Variants in NUP155 observed in about 807,000 individuals in gnomAD.
NUP155 encodes nuclear pore complex protein Nup155.
NUP155 carries 71 observed loss-of-function variants against 180.4 expected under a neutral mutation model. The observed-to-expected ratio is 0.39, with a 90% confidence interval of 0.33 to 0.48. The LOEUF (loss-of-function observed/expected upper bound fraction) is 0.48. NUP155 is among the 20% of genes least tolerant of loss of function. The pLI is 0.91. For synonymous variants in NUP155, 582 were observed against 559.5 expected, an observed-to-expected ratio of 1.04 and a Z score of -0.57; for missense variants, 1,553 against 1,648.9, an observed-to-expected ratio of 0.94 and a Z score of 1.01.
At chr5:37,304,926 T>A in intron 26 of NUP155, 83 bp from the exon 27 acceptor site, 7 of 1,506,846 alleles carry the variant, frequency 4.6e-6, no homozygotes, top group Non-Finnish European at 6.5e-6. Flanking sequence ...TAAACTCCAG[T>A]AAGAAATCAA....
intron 12 of NUP155, among the ~76,000 whole-genome samples, chr5:37,336,812 C>T (rs1219379602): frequency 6.6e-6 from 1 of 152,156 alleles, no homozygotes; most frequent in Non-Finnish European, 1.5e-5. Context: ...ACAATACTCC[C>T]ATCCCTGGGA....
At chr5:37,356,663 T>A (rs768820002) in intron 4 of NUP155, among the ~76,000 whole-genome samples, 7 of 151,686 alleles carry the variant, frequency 4.6e-5, no homozygotes, top group Non-Finnish European at 8.8e-5. Context: ...AAGGTACATT[T>A]AAAGGATATA....
chr5:37,317,203 A>G (rs1430153800), intron 21 of NUP155, among the ~76,000 whole-genome samples: 1 of 150,522 alleles, frequency 6.6e-6, no homozygotes, highest in Non-Finnish European at 1.5e-5. Flanking sequence ...TAAAGTAAAA[A>G]TGGGGCTGGG....
chr5:37,329,297 G>A lies in NUP155; in HGVS notation c.1725-19C>T, dbSNP rs562946340. On this transcript the variant is annotated intron_variant, in intron 15 of 34. Transcript: ENST00000231498. ...ACCATACCTATTTTTATGACAAGAG[G>A]TTGAGTTTATTCAGTAAAACAAACC... The A allele has an allele frequency of 6.3e-7, 1 of 1,592,826 alleles. No individual in the cohort carries two copies. Among genetic ancestry groups the A allele is most frequent in the Non-Finnish European group, 8.6e-7 (1 of 1,160,834 alleles).
chr5:37,365,183 C>A (rs142497399), intron 1 of NUP155, among the ~76,000 whole-genome samples: 5 of 151,364 alleles, frequency 3.3e-5, no homozygotes, highest in Non-Finnish European at 7.4e-5. Flanking sequence ...TGCTTGAACC[C>A]GGGAGGCGGA....
intron 11 of NUP155, among the ~76,000 whole-genome samples, chr5:37,339,212 T>C (rs938998853): frequency 6.8e-6 from 1 of 147,154 alleles, no homozygotes; most frequent in African/African-American, 2.6e-5. Context: ...CAACAAAACA[T>C]GAGGCAGGAG....
At chr5:37,296,913 G>A (rs111652099) in intron 32 of NUP155, among the ~76,000 whole-genome samples, 2,033 of 152,002 alleles carry the variant, frequency 0.013, 43 homozygotes, top group African/African-American at 0.046. Context: ...GTGGTGGTTC[G>A]CACCTATAAT....
At position 37,291,963 on chromosome 5, in the gene NUP155, T is replaced by G; in HGVS notation, c.4113A>C (p.Val1371=). Residue 1371 remains valine (V), a synonymous_variant, in exon 35 of 35, where the codon GTA becomes GTC. Coordinates refer to ENST00000231498, the MANE Select transcript of NUP155 (RefSeq NM_153485.3). ...AATTCCCAGTGATGGCTTGTACTGC[T>G]ACTGACGAGCTCATAGACTGGAGCT... ...LVELQSMSSS[V]AVQAITGNFK... The G allele has an allele frequency of 6.2e-7, 1 of 1,614,010 alleles. No homozygotes were observed. Among genetic ancestry groups the G allele is most frequent in the Non-Finnish European group, 8.5e-7 (1 of 1,179,878 alleles).
chr5:37,340,994 T>C, intron 11 of NUP155, 96 bp downstream of exon 11: 4 of 1,051,088 alleles, frequency 3.8e-6, no homozygotes, highest in South Asian at 2.8e-5. Flanking sequence ...CAGTTTCTAC[T>C]GTTGCCATAG....
chr5:37,314,287 G>A lies in NUP155; in HGVS notation c.2347C>T (p.Gln783Ter). Residue 783 changes from glutamine (Q) to a stop codon, truncating the protein, a stop_gained, in exon 22 of 35, where the codon CAG becomes TAG. Coordinates refer to ENST00000231498, the MANE Select transcript of NUP155 (RefSeq NM_153485.3). LOFTEE classifies it high-confidence loss of function. ...GCCTGATATGATTTTCGAACCAACT[G>A]CTGAATTGCCTGAAGTGAAATCTTT... ...SEKISLQAIQ[Q>*]LVRKSYQALA... 6.2e-7 allele frequency: 1 copy of A among 1,609,196 alleles called. No homozygotes were observed. Among genetic ancestry groups the A allele is most frequent in the Non-Finnish European group, 8.5e-7 (1 of 1,175,832 alleles).
intron 24 of NUP155, 102 bp from the exon 25 acceptor site, chr5:37,307,534 C>G: frequency 9.1e-7 from 1 of 1,095,914 alleles, no homozygotes; most frequent in South Asian, 1.3e-5. Flanking sequence ...TATGTCTCTA[C>G]TGTACAATAG....
chr5:37,327,251 G>A (rs928649025), intron 18 of NUP155: 2 of 278,166 alleles, frequency 7.2e-6, no homozygotes, highest in Non-Finnish European at 1.4e-5. Flanking sequence ...CATACAAAAC[G>A]TGTTAATTGA....
intron 1 of NUP155, 140 bp downstream of exon 1, chr5:37,370,681 T>G: frequency 6.2e-7 from 1 of 1,607,074 alleles, no homozygotes; most frequent in South Asian, 1.1e-5. Flanking sequence ...AAGAAGCTGC[T>G]TGCTGTTCTC....
chr5:37,351,158 GA>G (rs750825519), intron 6 of NUP155, 31 bp downstream of exon 6: 45 of 1,525,724 alleles, frequency 2.9e-5, no homozygotes, highest in African/African-American at 1.1e-4. Flanking sequence ...CATCAAGAGA[GA>G]AAAAAAAACG....
rs556108586 is a variant in NUP155, at chr5:37,295,847, C to T, written c.3794-1382G>A. 2.2e-3 allele frequency among the ~76,000 whole-genome samples: 335 copies of T among 151,434 alleles called. 1 individual carries two copies. Among genetic ancestry groups the T allele is most frequent in the Non-Finnish European group, 3.1e-3 (211 of 67,802 alleles). ...TCTGAGAAGTGAGGAGCCCCTCCGCCCGGCAGCCACCCCGTCCGGGAGGGA... is the reference window on the plus strand; with the variant it reads ...TCTGAGAAGTGAGGAGCCCCTCCGCTCGGCAGCCACCCCGTCCGGGAGGGA... On this transcript the variant is annotated intron_variant, in intron 32 of 34. Coordinates refer to ENST00000231498, the MANE Select transcript of NUP155 (RefSeq NM_153485.3).
chr5:37,294,943 ATATAAG>A (rs1332840322), intron 32 of NUP155, among the ~76,000 whole-genome samples: 1 of 152,148 alleles, frequency 6.6e-6, no homozygotes, highest in African/African-American at 2.4e-5. Context: ...ACTCAGAAAG[ATATAAG>A]AAGAAAACAG....
intron 12 of NUP155, among the ~76,000 whole-genome samples, chr5:37,334,187 G>A (rs1188972262): frequency 6.6e-6 from 1 of 150,786 alleles, no homozygotes; most frequent in African/African-American, 2.4e-5. Context: ...CTGCAACCTC[G>A]ACCTCCCTGG....
rs70976294 is a variant in NUP155 at position 37,294,005 on chromosome 5, C to CAAAAAAAAAA, written c.3930+314_3930+323dup. Among the ~76,000 whole-genome samples the CAAAAAAAAAA allele has an allele frequency of 2.3e-3, 86 of 37,254 alleles. 1 individual carries two copies. In the Admixed American group the frequency reaches 0.024, roughly 11 times the overall value. The allele number at this position is 37,254 out of a possible 152,430, so 24.4% of individuals were successfully genotyped here. ...TGGGCAACAGAGCGAGACGCCGTCT[C>CAAAAAAAAAA]AAAAAAAAAAAAAAAAAAAAAAATA... On this transcript the variant is annotated intron_variant, in intron 33 of 34. Transcript: ENST00000231498.
At chr5:37,370,659 A>G (rs1295056197) in intron 1 of NUP155, 162 bp downstream of exon 1, 3 of 1,587,902 alleles carry the variant, frequency 1.9e-6, no homozygotes, top group African/African-American at 1.3e-5. Context: ...TGAGGAAAGG[A>G]AAAAACCTGA....
Sources: allele counts gnomAD v4.1 joint callset (sites outside exome capture counted in the v4.1 genomes callset), GRCh38; gene constraint gnomAD v4.1.1; transcripts MANE v1.5; gene names NCBI Gene and HGNC (gene_info 2026-07-23, HGNC 2026-07-21).